The following ITPR3 variants were observed in gnomAD, a reference collection of about 807,000 sequenced individuals.
The protein encoded by ITPR3 is inositol 1,4,5-trisphosphate-gated calcium channel ITPR3.
In ITPR3, 173 loss-of-function variants were observed where a neutral mutation model predicts 293.2. The ratio of observed to expected loss-of-function variants is 0.59; its 90% confidence interval spans 0.52 to 0.67. The LOEUF (loss-of-function observed/expected upper bound fraction) is 0.67, where lower values mean the gene tolerates loss of function less well. Ranked by LOEUF, ITPR3 falls within the 30% of genes least tolerant of loss-of-function variation. ITPR3 has a pLI of 0.00. For synonymous variants in ITPR3, 1,295 were observed against 1,444.4 expected (o/e 0.90, Z 2.35); for missense variants, 2,796 against 3,592.1 (o/e 0.78, Z 5.66).
At chr6:33,637,632 C>A (rs181259624) in intron 1 of ITPR3, among the ~76,000 whole-genome samples, 1 of 150,324 alleles carries the variant, frequency 6.7e-6, no homozygotes, top group Non-Finnish European at 1.5e-5. Context: ...CTACACCCAG[C>A]GATTTTTTTT....
Position 33,682,028 on chromosome 6 carries a change from C to T in ITPR3, c.4477-496C>T, listed in dbSNP as rs1166601406. ...TCCTGAGTAGCTGGGATTATAGGCA[C>T]CCGCCACCACGCCCGGCTAATTTTT... On this transcript the variant is annotated intron_variant, in intron 33 of 57. Transcript: ENST00000605930. The surrounding 1 kb of genome is among the most constrained non-coding windows in gnomAD (Gnocchi z 5.4). Among the ~76,000 whole-genome samples, 1 of 152,028 alleles carries T rather than the reference C, an allele frequency of 6.6e-6. No homozygotes were observed. The highest frequency in any genetic ancestry group is 1.5e-5 in the Non-Finnish European group (1 of 68,020).
rs775300128 is a variant in ITPR3, at chr6:33,663,727, T to A, written c.1006-11T>A. 2 of 1,613,242 alleles carry A rather than the reference T, an allele frequency of 1.2e-6. No individual in the cohort carries two copies. The highest frequency in any genetic ancestry group is 8.5e-7 in the Non-Finnish European group (1 of 1,179,832). ...GGAGGGCCTTCTACCTGATTTGGGGTCCTCATCCAGGGGGCACAGGGCCGC... is the reference window on the plus strand; with the variant it reads ...GGAGGGCCTTCTACCTGATTTGGGGACCTCATCCAGGGGGCACAGGGCCGC... On this transcript the variant is annotated splice_polypyrimidine_tract_variant and intron_variant, in intron 10 of 57. Transcript: ENST00000605930.
At chr6:33,662,844 TC>T in intron 8 of ITPR3, 66 bp from the exon 9 acceptor site, 1 of 1,521,268 alleles carries the variant, frequency 6.6e-7, no homozygotes, top group Non-Finnish European at 8.9e-7. Context: ...TCTCCAGGCC[TC>T]CCTGGGGTCT....
rs377263024 is a variant in ITPR3, at chr6:33,642,263, T to C, written c.160+1709T>C. Among the ~76,000 whole-genome samples, 64 of 152,226 alleles carry C rather than the reference T, an allele frequency of 4.2e-4. 2 individuals are homozygous for C. The South Asian group carries it at 0.011, about 27-fold the overall frequency. ...ACAGGTCTGACCTCGCCTGTCCCAGTTCCCTGAAGGATGGACGGGTAGAGA... is the reference window on the plus strand; with the variant it reads ...ACAGGTCTGACCTCGCCTGTCCCAGCTCCCTGAAGGATGGACGGGTAGAGA... On this transcript the variant is annotated intron_variant, in intron 2 of 57. Transcript: ENST00000605930.
At chr6:33,686,914 G>A (rs1765246984) in intron 43 of ITPR3, 95 bp from the exon 44 acceptor site, 2 of 984,026 alleles carry the variant, frequency 2.0e-6, no homozygotes, top group South Asian at 2.9e-5. Flanking sequence ...CCTTTTGTTG[G>A]ATGGGAGAGC....
At chr6:33,668,381 C>A in intron 16 of ITPR3, 134 bp from the exon 17 acceptor site, 1 of 1,210,122 alleles carries the variant, frequency 8.3e-7, no homozygotes, top group South Asian at 1.5e-5. Context: ...CCATCCCACC[C>A]ATCTCTAAGC....
In ITPR3 at chr6:33,688,723, C is replaced by A; in HGVS notation, c.6636C>A (p.Ala2212=). Residue 2212 remains alanine, a synonymous_variant, in exon 49 of 58, where the codon GCC becomes GCA. Coordinates refer to ENST00000605930, the MANE Select transcript of ITPR3 (RefSeq NM_002224.4). ...TLWGSISFNL[A]VFINIIIAFF... is the part of the protein sequence containing the mutation. ...GGGGCAGCATCTCCTTCAACCTGGC[C>A]GTGTTTATCAACATCATCATTGCCT... 2 of 1,614,216 alleles carry A rather than the reference C, an allele frequency of 1.2e-6. No homozygotes were observed. Among genetic ancestry groups the A allele is most frequent in the Non-Finnish European group, 1.7e-6 (2 of 1,180,024 alleles).
At chr6:33,661,863 G>A (rs2127267740) in intron 7 of ITPR3, among the ~76,000 whole-genome samples, 2 of 117,306 alleles carry the variant, frequency 1.7e-5, no homozygotes, top group Middle Eastern at 4.7e-3. Flanking sequence ...GGGCGTGGTG[G>A]CAGGCACCTG....
In ITPR3 at chr6:33,695,916, C is replaced by T. The variant is rs2127329338; in HGVS notation, c.*136C>T. 1.3e-6 allele frequency: 1 copy of T among 751,546 alleles called. No homozygotes were observed. The highest frequency in any genetic ancestry group is 2.3e-6 in the Non-Finnish European group (1 of 442,316). 46.6% of individuals were successfully genotyped at this position (751,546 alleles called of 1,614,324 possible). A position where few individuals can be genotyped will look rare whatever the true frequency, so the allele number is the denominator to read the frequency against. On this transcript the variant is annotated 3_prime_UTR_variant, in exon 58 of 58. Coordinates refer to ENST00000605930, the MANE Select transcript of ITPR3 (RefSeq NM_002224.4). ...ACTCCCACTCTGCCAGACACCCTGA[C>T]ACCCACCCAGGCTTTGAAGAGCATG...
chr6:33,693,239 G>GT (rs1167688958), intron 55 of ITPR3, among the ~76,000 whole-genome samples: 3 of 152,206 alleles, frequency 2.0e-5, no homozygotes, highest in Non-Finnish European at 4.4e-5. Flanking sequence ...GGTGTCACCT[G>GT]TATGGCCTGT....
At position 33,684,895 on chromosome 6, in the gene ITPR3, C is replaced by T. The variant is rs1765183135; in HGVS notation, c.5259C>T (p.Ser1753=). The T allele has an allele frequency of 1.2e-6, 2 of 1,613,946 alleles. No individual in the cohort carries two copies. Among genetic ancestry groups the T allele is most frequent in the Non-Finnish European group, 1.7e-6 (2 of 1,179,906 alleles). ...AGAACGAGAAGATCTTCCAGGAGAG[C>T]ATCGGCCTGGCCATCCACCTGCTGG... The part of the protein sequence containing the change: ...STKNEKIFQE[S]IGLAIHLLDG... The change falls in exon 39 of 58, where the codon AGC becomes AGT. Residue 1753 remains serine (S), a synonymous_variant. Transcript: ENST00000605930. The surrounding 1 kb of genome is among the most constrained non-coding windows in gnomAD (Gnocchi z 4.2).
At chr6:33,673,544 G>T (rs898237370) in intron 22 of ITPR3, 47 bp from the exon 23 acceptor site, 3 of 1,608,156 alleles carry the variant, frequency 1.9e-6, no homozygotes, top group East Asian at 2.2e-5. Context: ...TCTGACCTCA[G>T]ATCAGTCCTC....
intron 2 of ITPR3, among the ~76,000 whole-genome samples, chr6:33,642,032 G>C (rs1425849459): frequency 1.3e-5 from 2 of 151,398 alleles, no homozygotes; most frequent in Middle Eastern, 3.2e-3. Context: ...TGTTGTTGTT[G>C]TTTGCTGTTT....
chr6:33,627,644 C>G (rs1031714620), intron 1 of ITPR3, among the ~76,000 whole-genome samples: 1 of 152,230 alleles, frequency 6.6e-6, no homozygotes, highest in Non-Finnish European at 1.5e-5. Context: ...AAATGGAGAT[C>G]AAAGACAAGG....
In ITPR3 at chr6:33,667,689, A is replaced by T; in HGVS notation, c.1714-103A>T. The T allele has an allele frequency of 3.1e-6, 4 of 1,273,966 alleles. No homozygotes were observed. The highest frequency in any genetic ancestry group is 4.4e-6 in the Non-Finnish European group (4 of 911,260). The allele number at this position is 1,273,966 out of a possible 1,614,324, so 78.9% of individuals were successfully genotyped here. A position where few individuals can be genotyped will look rare whatever the true frequency, so the allele number is the denominator to read the frequency against. On this transcript the variant is annotated intron_variant, in intron 15 of 57. Coordinates refer to ENST00000605930, the MANE Select transcript of ITPR3 (RefSeq NM_002224.4). This position sits in a 1 kb window ranked among gnomAD's most constrained non-coding sequence, Gnocchi z 4.4. The stretch of plus-strand genomic sequence containing the variant: ...TCCTGGACCTCTGCCTTTCTAGGGT[A>T]TTGGGTCCTTACCTCGGGGTTTGGG...
intron 3 of ITPR3, 106 bp from the exon 4 acceptor site, chr6:33,657,823 GTGT>G (rs1561861096): frequency 1.2e-6 from 1 of 816,004 alleles, no homozygotes; most frequent in Non-Finnish European, 2.0e-6. Context: ...GACTGTGTGT[GTGT>G]GTGTGTGTTT....
intron 1 of ITPR3, among the ~76,000 whole-genome samples, chr6:33,623,321 G>GTTTTTTTTT (rs150420581): frequency 1.7e-5 from 2 of 118,262 alleles, no homozygotes; most frequent in African/African-American, 3.2e-5. Flanking sequence ...GTGCCTGTGA[G>GTTTTTTTTT]TTTTGTTTTT....
At chr6:33,680,749 A>AAG in intron 33 of ITPR3, 69 bp downstream of exon 33, 1 of 1,535,530 alleles carries the variant, frequency 6.5e-7, no homozygotes, top group Non-Finnish European at 8.9e-7. Flanking sequence ...GGGGGGAAAT[A>AAG]AGAATACATA....
chr6:33,675,678 C>T lies in ITPR3; in HGVS notation c.3117-13C>T, dbSNP rs763645239. 1 of 1,587,996 alleles carries T rather than the reference C, an allele frequency of 6.3e-7. No individual in the cohort carries two copies. The highest frequency in any genetic ancestry group is 2.3e-5 in the East Asian group (1 of 44,438). On this transcript the variant is annotated splice_polypyrimidine_tract_variant and intron_variant, in intron 24 of 57. Coordinates refer to ENST00000605930, the MANE Select transcript of ITPR3 (RefSeq NM_002224.4). This position sits in a 1 kb window ranked among gnomAD's most constrained non-coding sequence, Gnocchi z 5.0. ...CAGTCTCACCCATGCGCCCTGCACC[C>T]TTGTGCCCGCAGGAAGACAAGCAGC... is the stretch of plus-strand genomic sequence containing the variant.
Sources: gnomAD v4.1 joint callset for allele counts (sites outside exome capture counted in the v4.1 genomes callset) on GRCh38, gnomAD v4.1.1 for gene constraint, Gnocchi (gnomAD v3.1) non-coding constraint, MANE v1.5 for transcripts, NCBI Gene and HGNC (gene_info 2026-07-23, HGNC 2026-07-21) for gene names.